DPCD: variants seen among roughly 807,000 people sequenced by gnomAD.
DPCD encodes protein DPCD.
A neutral mutation model predicts 26.4 loss-of-function variants in DPCD; 20 were observed. The observed-to-expected ratio is 0.76, with a 90% CI of 0.53 to 1.10. DPCD has a LOEUF of 1.10. DPCD is among the 50% of genes least tolerant of loss of function. The probability of loss-of-function intolerance (pLI) is 0.00; values close to 1 mark genes in which losing one functional copy is unlikely to be tolerated. For missense variants in DPCD, 202 were observed against 253.9 expected (o/e 0.80, Z 1.39); for synonymous variants, 97 against 94.2 (o/e 1.03, Z -0.17).
intron 4 of DPCD, 96 bp downstream of exon 4, chr10:101,601,432 G>A: frequency 7.7e-7 from 1 of 1,298,408 alleles, no homozygotes. Flanking sequence ...GGCCGGTCCT[G>A]CAGAGAGGAA....
Position 101,600,953 on chromosome 10 carries a change from C to T in DPCD, c.270+91C>T. The stretch of plus-strand genomic sequence containing the variant: ...TTGAGGGCAGGGACCATGTCTTGTT[C>T]ACCTCCTCGCCTCCAGTGTGCCACC... On this transcript the variant is annotated intron_variant, in intron 3 of 5. Coordinates refer to ENST00000370151, the MANE Select transcript of DPCD (RefSeq NM_015448.3). This position sits in a 1 kb window ranked among gnomAD's most constrained non-coding sequence, Gnocchi z 4.7. 4 of 1,583,264 alleles carry T rather than the reference C, an allele frequency of 2.5e-6. No homozygotes were observed. Among genetic ancestry groups the T allele is most frequent in the Non-Finnish European group, 3.4e-6 (4 of 1,167,968 alleles).
rs763426295 is a variant in DPCD, at chr10:101,608,860, G to T, written c.430G>T (p.Asp144Tyr). 1 of 1,613,728 alleles carries T rather than the reference G, an allele frequency of 6.2e-7. No homozygotes were observed. The highest frequency in any genetic ancestry group is 2.2e-5 in the East Asian group (1 of 44,856). ...KKYYKKFSIP[D>Y]LDRHQLPLDD... ...GTACTACAAGAAGTTCTCCATTCCT[G>T]ATCTAGATAGACACCAGCTACCTCT... The change falls in exon 5 of 6, where the codon GAT (aspartate) becomes TAT (tyrosine). Residue 144 changes from aspartate to tyrosine, a missense_variant. Asp to Tyr is a radical substitution (Grantham distance 160). Around this residue, in one of 3 missense-constraint regions of DPCD, gnomAD observed 118 missense variants for 145.1 expected, o/e 0.81. Transcript: ENST00000370151.
chr10:101,588,396 G>A lies in DPCD; in HGVS notation c.60G>A (p.Gln20=), dbSNP rs543869392. The A allele has an allele frequency of 6.3e-7, 1 of 1,594,150 alleles. No individual in the cohort carries two copies. The highest frequency in any genetic ancestry group is 1.1e-5 in the South Asian group (1 of 88,196). The change falls in exon 1 of 6, where the codon CAG becomes CAA. Residue 20 remains glutamine, a synonymous_variant. Transcript: ENST00000370151. The part of the protein sequence containing the change: ...LRTAQKTALL[Q]DGRRKVHYLF... ...CAGCCCAGAAGACTGCGCTGCTGCAGGACGGTAACTCGAGGGTCCCCACGG... is the reference window on the plus strand; with the variant it reads ...CAGCCCAGAAGACTGCGCTGCTGCAAGACGGTAACTCGAGGGTCCCCACGG...
chr10:101,589,217 T>G (rs530295059), intron 1 of DPCD, among the ~76,000 whole-genome samples: 4 of 152,228 alleles, frequency 2.6e-5, no homozygotes, highest in Non-Finnish European at 5.9e-5. Flanking sequence ...CATTTACTCG[T>G]TCGTGCAACA....
At chr10:101,592,468 T>C (rs985194809) in intron 1 of DPCD, among the ~76,000 whole-genome samples, 2 of 150,694 alleles carry the variant, frequency 1.3e-5, no homozygotes, top group Admixed American at 6.6e-5. Flanking sequence ...ACCTGTATTC[T>C]CAACACTTTG....
At chr10:101,599,587 C>T (rs2063677119) in intron 2 of DPCD, among the ~76,000 whole-genome samples, 1 of 152,162 alleles carries the variant, frequency 6.6e-6, no homozygotes, top group Non-Finnish European at 1.5e-5. Context: ...GCTTGTGTGC[C>T]TTACTTATAC....
chr10:101,590,256 T>C (rs1258375451), intron 1 of DPCD, among the ~76,000 whole-genome samples: 1 of 152,040 alleles, frequency 6.6e-6, no homozygotes, highest in Non-Finnish European at 1.5e-5. Flanking sequence ...TATAACTATG[T>C]CAGGTACTAT....
At chr10:101,593,108 G>T (rs1315167584) in intron 1 of DPCD, among the ~76,000 whole-genome samples, 1 of 152,094 alleles carries the variant, frequency 6.6e-6, no homozygotes, top group Non-Finnish European at 1.5e-5. Context: ...CATGTGAAAT[G>T]CCTGGATTTA....
chr10:101,599,010 G>A (rs2134766952), intron 2 of DPCD, among the ~76,000 whole-genome samples: 1 of 152,326 alleles, frequency 6.6e-6, no homozygotes, highest in South Asian at 2.1e-4. Context: ...GTCTAAGGGT[G>A]CTTGTTTGCC....
intron 4 of DPCD, among the ~76,000 whole-genome samples, chr10:101,608,323 CT>C (rs2063747002): frequency 6.6e-6 from 1 of 152,222 alleles, no homozygotes; most frequent in East Asian, 1.9e-4. Flanking sequence ...CTAACAAGGC[CT>C]TGAAAGGCCC....
rs375287722 is a variant in DPCD at position 101,609,510 on chromosome 10, C to T, written c.*39C>T. 237 of 1,582,800 alleles carry T rather than the reference C, an allele frequency of 1.5e-4. 1 individual carries two copies. The highest frequency in any genetic ancestry group is 1.9e-4 in the Non-Finnish European group (222 of 1,156,308). ...CTTATACCTCCACCACAGGGGGTGC[C>T]GTGAGACTTCAAGGCTTGGCCCTTC... is the stretch of plus-strand genomic sequence containing the variant. On this transcript the variant is annotated 3_prime_UTR_variant, in exon 6 of 6. Transcript: ENST00000370151.
chr10:101,606,038 A>C (rs1415806270), intron 4 of DPCD, among the ~76,000 whole-genome samples: 1 of 152,250 alleles, frequency 6.6e-6, no homozygotes, highest in East Asian at 1.9e-4. Context: ...TATGGCTGAA[A>C]TAGAACATTG....
chr10:101,601,098 TGGA>T (rs1357377530), intron 3 of DPCD, 102 bp from the exon 4 acceptor site: 1 of 1,545,540 alleles, frequency 6.5e-7, no homozygotes, highest in African/African-American at 1.4e-5. Flanking sequence ...AGGGGAGCAG[TGGA>T]GAAGAGCTGA....
chr10:101,601,642 T>G (rs1262260249), intron 4 of DPCD: 1 of 151,946 alleles, frequency 6.6e-6, no homozygotes, highest in African/African-American at 2.4e-5. Flanking sequence ...TCTCAGGTGG[T>G]TCTGCTGAAA....
chr10:101,607,581 G>A (rs1199451145), intron 4 of DPCD, among the ~76,000 whole-genome samples: 3 of 152,116 alleles, frequency 2.0e-5, no homozygotes, highest in South Asian at 2.1e-4. Context: ...CAGGGAGGAC[G>A]GGGGCAGAAG....
At chr10:101,607,007 G>T (rs779441950) in intron 4 of DPCD, among the ~76,000 whole-genome samples, 12 of 152,176 alleles carry the variant, frequency 7.9e-5, no homozygotes, top group Non-Finnish European at 1.6e-4. Context: ...CTGGTGGTAG[G>T]AGTAGTTCAA....
In DPCD at chr10:101,600,916, G is replaced by C; in HGVS notation, c.270+54G>C. ...CGGACTGAGGTGGGGGTGGGCTGTG[G>C]GCTGCTGGCTCTTGAGGGCAGGGAC... On this transcript the variant is annotated intron_variant, in intron 3 of 5. Coordinates refer to ENST00000370151, the MANE Select transcript of DPCD (RefSeq NM_015448.3). The surrounding 1 kb of genome is among the most constrained non-coding windows in gnomAD (Gnocchi z 4.7). The C allele has an allele frequency of 1.2e-6, 2 of 1,610,290 alleles. No individual in the cohort carries two copies. Among genetic ancestry groups the C allele is most frequent in the South Asian group, 2.2e-5 (2 of 90,576 alleles).
chr10:101,601,281 A>G lies in DPCD; in HGVS notation c.349A>G (p.Ser117Gly). 1.2e-6 allele frequency: 2 copies of G among 1,613,852 alleles called. No individual in the cohort carries two copies. Among genetic ancestry groups the G allele is most frequent in the Non-Finnish European group, 1.7e-6 (2 of 1,179,922 alleles). ...RNLPYPKDVYSVSVDQKERCI... is the reference protein window; with the variant it reads ...RNLPYPKDVYGVSVDQKERCI... ...CCTCCCCTATCCTAAGGATGTCTAT[A>G]GTGTCTCTGTGGACCAGAAGGAGCG... Residue 117 changes from serine to glycine, a missense_variant, in exon 4 of 6, where the codon AGT (serine) becomes GGT (glycine). By Grantham distance (56) the Ser-to-Gly change is moderately conservative. This residue lies in a region of DPCD where 118 missense variants were observed against 145.1 expected (regional missense o/e 0.81). Transcript: ENST00000370151.
At chr10:101,605,047 G>A (rs2063723966) in intron 4 of DPCD, 23 of 1,534,314 alleles carry the variant, frequency 1.5e-5, no homozygotes, top group Non-Finnish European at 2.0e-5. Context: ...GTGTGTGATT[G>A]TGACTGTCTA....
Sources: allele counts gnomAD v4.1 joint callset (sites outside exome capture counted in the v4.1 genomes callset), GRCh38; gene constraint gnomAD v4.1.1; regional missense constraint gnomAD v4.1.1; non-coding constraint Gnocchi (gnomAD v3.1); transcripts MANE v1.5; gene names NCBI Gene and HGNC (gene_info 2026-07-23, HGNC 2026-07-21).